Variants in MEI1 observed in about 807,000 individuals in gnomAD.
The protein encoded by MEI1 is meiotic double-stranded break formation protein 1, also known as meiosis inhibitor protein 1.
Under a neutral mutation model 146.2 loss-of-function variants are expected in MEI1, and 103 were observed. The ratio of observed to expected loss-of-function variants is 0.70; its 90% CI spans 0.60 to 0.83. MEI1 has a LOEUF of 0.83. Among genes scored for constraint, MEI1 ranks in the 40% least tolerant of loss-of-function variants. The pLI, the probability that MEI1 is intolerant of heterozygous loss-of-function variation, is 0.00. For synonymous variants in MEI1, 652 were observed against 628.2 expected, an observed-to-expected ratio of 1.04 and a Z score of -0.57; for missense variants, 1,529 against 1,533.0, an observed-to-expected ratio of 1.00 and a Z score of 0.04.
chr22:41,712,015 A>G (rs1410812333), intron 3 of MEI1, among the ~76,000 whole-genome samples: 1 of 151,346 alleles, frequency 6.6e-6, no homozygotes, highest in Non-Finnish European at 1.5e-5. Flanking sequence ...CAGCCTGGCC[A>G]ACATGTAGAA....
At chr22:41,783,726 G>A (rs1164918048) in intron 24 of MEI1, among the ~76,000 whole-genome samples, 2 of 152,344 alleles carry the variant, frequency 1.3e-5, no homozygotes, top group East Asian at 3.9e-4. Flanking sequence ...TGTCGTCCAG[G>A]CTGGAGTGCA....
chr22:41,730,675 T>G, intron 9 of MEI1, 38 bp downstream of exon 9: 1 of 1,442,574 alleles, frequency 6.9e-7, no homozygotes, highest in Non-Finnish European at 9.8e-7. Flanking sequence ...TTGGGTTGGG[T>G]GGACGGCAGT....
At chr22:41,766,160 C>G (rs1318957183) in intron 19 of MEI1, among the ~76,000 whole-genome samples, 1 of 151,734 alleles carries the variant, frequency 6.6e-6, no homozygotes, top group African/African-American at 2.4e-5. Context: ...CAGGCATGAG[C>G]CACCGTGCCG....
chr22:41,796,431 C>T (rs1037854278), intron 30 of MEI1, among the ~76,000 whole-genome samples: 48 of 151,338 alleles, frequency 3.2e-4, no homozygotes, highest in African/African-American at 9.0e-4. Context: ...CCTGACCTTG[C>T]GATCTGCCCC....
chr22:41,745,643 T>TA (rs1353464769), intron 13 of MEI1, among the ~76,000 whole-genome samples: 1 of 151,984 alleles, frequency 6.6e-6, no homozygotes, highest in African/African-American at 2.4e-5. Flanking sequence ...TTCGGGGAAA[T>TA]ACACACAATG....
chr22:41,700,939 CTTTT>C (rs530432136), intron 1 of MEI1, among the ~76,000 whole-genome samples: 3 of 129,606 alleles, frequency 2.3e-5, no homozygotes, highest in African/African-American at 2.9e-5. Context: ...TTCTTTCTTT[CTTTT>C]TTTTTTTTTT....
At chr22:41,741,746 C>G (rs12168885) in intron 11 of MEI1, among the ~76,000 whole-genome samples, 177 of 152,174 alleles carry the variant, frequency 1.2e-3, no homozygotes, top group African/African-American at 4.1e-3. Flanking sequence ...GAGGCTGAGG[C>G]GGCAGATCAT....
intron 15 of MEI1, 67 bp from the exon 16 acceptor site, chr22:41,752,519 CACCCA>C (rs1457150367): frequency 2.2e-6 from 3 of 1,351,376 alleles, no homozygotes; most frequent in Non-Finnish European, 3.1e-6. Flanking sequence ...TTTTTGATAC[CACCCA>C]GGCTTGGGAC....
chr22:41,705,251 A>G (rs1341427917), intron 2 of MEI1, among the ~76,000 whole-genome samples: 1 of 146,736 alleles, frequency 6.8e-6, no homozygotes, highest in African/African-American at 2.5e-5. Context: ...AGCTCCTTGT[A>G]ATCTCTGCCT....
intron 5 of MEI1, 147 bp from the exon 6 acceptor site, chr22:41,717,924 C>A: frequency 1.5e-6 from 1 of 664,252 alleles, no homozygotes; most frequent in Non-Finnish European, 2.5e-6. Context: ...TTTGGTTTTG[C>A]CTTTAGATTA....
chr22:41,729,801 T>C (rs758532774), intron 8 of MEI1, 22 bp downstream of exon 8: 1 of 1,512,014 alleles, frequency 6.6e-7, no homozygotes, highest in South Asian at 1.2e-5. Flanking sequence ...CTTCTAACCT[T>C]CTCCTCCCTA....
At position 41,723,842 on chromosome 22, in the gene MEI1, G is replaced by C; in HGVS notation, c.734-101G>C. 3 of 1,357,544 alleles carry C rather than the reference G, an allele frequency of 2.2e-6. No homozygotes were observed. The Middle Eastern group carries it at 5.7e-4, about 259-fold the overall frequency. 84.1% of individuals were successfully genotyped at this position (1,357,544 alleles called of 1,614,324 possible). ...TCTAACCATTCTTCATATTTGTAGAGGGATGAAGAAGTTTCTCTGGGGATG... is the reference window on the plus strand; with the variant it reads ...TCTAACCATTCTTCATATTTGTAGACGGATGAAGAAGTTTCTCTGGGGATG... On this transcript the variant is annotated intron_variant, in intron 6 of 30. Coordinates refer to ENST00000401548, the MANE Select transcript of MEI1 (RefSeq NM_152513.4).
chr22:41,705,666 A>G (rs1346961651), intron 3 of MEI1, 112 bp downstream of exon 3: 4 of 845,572 alleles, frequency 4.7e-6, no homozygotes, highest in Non-Finnish European at 7.9e-6. Context: ...GATAAGAGGA[A>G]CCCCATTAGT....
intron 27 of MEI1, 182 bp downstream of exon 27, chr22:41,794,092 A>G (rs1397152930): frequency 1.5e-6 from 1 of 679,294 alleles, no homozygotes; most frequent in Middle Eastern, 2.5e-4. Context: ...TAAGGTTCAG[A>G]TAGGTCAAAT....
Position 41,799,336 on chromosome 22 carries a change from T to C in MEI1, c.*37T>C. On this transcript the variant is annotated 3_prime_UTR_variant, in exon 31 of 31. Coordinates refer to ENST00000401548, the MANE Select transcript of MEI1 (RefSeq NM_152513.4). Reference sequence around the variant, plus strand: ...TGAAGGCCCAGAAGTGGAGAGAGAATGAGACCTGGAGACAAAGGGCATAAT... The same window carrying C: ...TGAAGGCCCAGAAGTGGAGAGAGAACGAGACCTGGAGACAAAGGGCATAAT... The C allele has an allele frequency of 6.2e-7, 1 of 1,603,370 alleles. No individual in the cohort carries two copies. The highest frequency in any genetic ancestry group is 1.1e-5 in the South Asian group (1 of 90,806).
At chr22:41,784,556 T>C in intron 25 of MEI1, 52 bp from the exon 26 acceptor site, 1 of 1,601,050 alleles carries the variant, frequency 6.2e-7, no homozygotes, top group South Asian at 1.1e-5. Flanking sequence ...CAGAGCTGGG[T>C]GGGAGGTGGG....
intron 30 of MEI1, among the ~76,000 whole-genome samples, chr22:41,798,116 AACACACACACACACACACACACACACAC>A (rs60766866): frequency 2.7e-4 from 37 of 135,912 alleles, no homozygotes; most frequent in African/African-American, 7.8e-4. Flanking sequence ...TCCTCAGCCC[AACACACACACACACACACACACACACAC>A]ACACACACAC....
chr22:41,708,763 C>T (rs1188585186), intron 3 of MEI1, among the ~76,000 whole-genome samples: 1 of 152,182 alleles, frequency 6.6e-6, no homozygotes, highest in Non-Finnish European at 1.5e-5. Context: ...CGACAGATGC[C>T]ATCTCAGTGG....
At chr22:41,707,245 A>G (rs1328263620) in intron 3 of MEI1, among the ~76,000 whole-genome samples, 1 of 152,130 alleles carries the variant, frequency 6.6e-6, no homozygotes, top group Admixed American at 6.6e-5. Context: ...CTGAAGAAAA[A>G]GAGAACAACC....
Sources: gnomAD v4.1 joint callset for allele counts (sites outside exome capture counted in the v4.1 genomes callset) on GRCh38, gnomAD v4.1.1 for gene constraint, MANE v1.5 for transcripts, NCBI Gene and HGNC (gene_info 2026-07-23, HGNC 2026-07-21) for gene names.